PKP4: variants seen among roughly 807,000 people sequenced by gnomAD.
The protein encoded by PKP4 is plakophilin 4, also known as plakophilin-4.
A neutral mutation model predicts 145.1 loss-of-function variants in PKP4; 90 were observed. The observed-to-expected ratio is 0.62, with a 90% CI of 0.52 to 0.74. PKP4 has a LOEUF of 0.74. Ranked by LOEUF, PKP4 falls within the 30% of genes least tolerant of loss-of-function variation. PKP4 has a pLI of 0.00. For missense variants in PKP4, 1,340 were observed against 1,482.7 expected, an observed-to-expected ratio of 0.90 and a Z score of 1.58; for synonymous variants, 563 against 577.2, an observed-to-expected ratio of 0.98 and a Z score of 0.35.
chr2:158,498,106 A>T (rs1010124099), intron 1 of PKP4, among the ~76,000 whole-genome samples: 1 of 152,176 alleles, frequency 6.6e-6, no homozygotes, highest in African/African-American at 2.4e-5. Context: ...CAATGTGAGG[A>T]TGGGCAGATT....
chr2:158,669,513 C>A (rs2057382213), intron 16 of PKP4: 3 of 390,350 alleles, frequency 7.7e-6, no homozygotes, highest in Non-Finnish European at 1.4e-5. Context: ...TGAATCATTT[C>A]TGCAAGTGAC....
chr2:158,658,626 T>C (rs904291927), intron 12 of PKP4: 8 of 236,286 alleles, frequency 3.4e-5, no homozygotes, highest in Non-Finnish European at 5.6e-5. Flanking sequence ...TTCTGATTGC[T>C]AATGTGTTTG....
At chr2:158,568,104 G>C (rs905753184) in intron 2 of PKP4, among the ~76,000 whole-genome samples, 2 of 152,154 alleles carry the variant, frequency 1.3e-5, no homozygotes, top group African/African-American at 4.8e-5. Context: ...GGAGGCCGAG[G>C]CAGCAGATCA....
intron 15 of PKP4, among the ~76,000 whole-genome samples, chr2:158,665,213 G>C (rs2056972715): frequency 6.6e-6 from 1 of 152,154 alleles, no homozygotes; most frequent in Admixed American, 6.5e-5. Context: ...TGGGCTGGTA[G>C]GTCTCCAAGT....
intron 7 of PKP4, among the ~76,000 whole-genome samples, chr2:158,627,128 A>G (rs960470918): frequency 1.3e-5 from 2 of 152,200 alleles, no homozygotes; most frequent in Admixed American, 6.5e-5. Context: ...TCATTCATCT[A>G]TCCAAGAAGT....
At position 158,673,911 on chromosome 2, in the gene PKP4, C is replaced by T; in HGVS notation, c.3038C>T (p.Thr1013Ile). The change falls in exon 19 of 22, where the codon ACA becomes ATA. Residue 1013 changes from threonine (T) to isoleucine (I), a missense_variant. Coordinates refer to ENST00000389759, the MANE Select transcript of PKP4 (RefSeq NM_003628.6). ...KDGWNQNHFITPVSTLERDRF... is the reference protein window; with the variant it reads ...KDGWNQNHFIIPVSTLERDRF... ...GGGTGGAATCAGAACCATTTTATTA[C>T]ACCTGTGTCGACATTGGAGCGAGAC... 2 of 1,612,094 alleles carry T rather than the reference C, an allele frequency of 1.2e-6. No individual in the cohort carries two copies. Among genetic ancestry groups the T allele is most frequent in the Non-Finnish European group, 1.7e-6 (2 of 1,178,150 alleles).
At position 158,620,991 on chromosome 2, in the gene PKP4, C is replaced by T. The variant is rs182142957; in HGVS notation, c.282C>T (p.Asp94=). The change falls in exon 5 of 22, where the codon GAC becomes GAT. Residue 94 remains aspartate, a splice_region_variant and synonymous_variant. Transcript: ENST00000389759. ...CTGATTAAACTTTTCTTGTTACAGA[C>T]GTGCCAAATACTGGTGTAAGCAAAC... is the stretch of plus-strand genomic sequence containing the variant. ...TEKSFPWRST[D]VPNTGVSKPR... The T allele has an allele frequency of 1.9e-5, 30 of 1,613,244 alleles. No individual in the cohort carries two copies. In the Admixed American group the frequency reaches 2.7e-4, roughly 14 times the overall value.
At position 158,560,231 on chromosome 2, in the gene PKP4, G is replaced by A. The variant is rs913845544; in HGVS notation, c.133-17040G>A. 7.2e-5 allele frequency among the ~76,000 whole-genome samples: 11 copies of A among 152,106 alleles called. No individual in the cohort carries two copies. In the East Asian group the frequency reaches 2.1e-3, roughly 29 times the overall value. ...GAAATCATGCATTTTAATTTTGTAA[G>A]GGTTGTAAGAGTGCCTAATTTGTGT... On this transcript the variant is annotated intron_variant, in intron 2 of 21. Transcript: ENST00000389759.
At chr2:158,588,036 T>C (rs1469446830) in intron 3 of PKP4, among the ~76,000 whole-genome samples, 3 of 152,136 alleles carry the variant, frequency 2.0e-5, no homozygotes, top group African/African-American at 7.2e-5. Context: ...GTTCATTCTT[T>C]TAACTGCTCT....
chr2:158,538,987 T>C (rs2044298777), intron 2 of PKP4, among the ~76,000 whole-genome samples: 1 of 152,246 alleles, frequency 6.6e-6, no homozygotes, highest in African/African-American at 2.4e-5. Context: ...CTCTTTTTAC[T>C]CTGGTGAGGT....
rs145442646 is a variant in PKP4 at position 158,541,137 on chromosome 2, A to G, written c.132+7821A>G. Among the ~76,000 whole-genome samples, 1,335 of 152,238 alleles carry G rather than the reference A, an allele frequency of 8.8e-3. 63 individuals carry two copies. Among genetic ancestry groups the G allele is most frequent in the Admixed American group, 0.076 (1,166 of 15,288 alleles). ...TTCTGGAGAGAAAAATATTTCGGAA[A>G]CATGTTTTTCCCTTCAGGTATAACC... On this transcript the variant is annotated intron_variant, in intron 2 of 21. Coordinates refer to ENST00000389759, the MANE Select transcript of PKP4 (RefSeq NM_003628.6).
intron 1 of PKP4, among the ~76,000 whole-genome samples, chr2:158,466,421 G>T (rs564462544): frequency 6.6e-6 from 1 of 152,110 alleles, no homozygotes; most frequent in African/African-American, 2.4e-5. Context: ...TAACGGCTGG[G>T]TGCAGTGGCT....
At chr2:158,473,418 T>C (rs1691917116) in intron 1 of PKP4, among the ~76,000 whole-genome samples, 1 of 152,186 alleles carries the variant, frequency 6.6e-6, no homozygotes, top group Non-Finnish European at 1.5e-5. Context: ...TAAATGCCCA[T>C]CAGTGGCAGA....
intron 1 of PKP4, among the ~76,000 whole-genome samples, chr2:158,476,924 A>G (rs1476821632): frequency 6.6e-6 from 1 of 152,166 alleles, no homozygotes; most frequent in African/African-American, 2.4e-5. Context: ...ATTAATAATC[A>G]TCATATTCTT....
chr2:158,639,822 C>T (rs983054018), intron 9 of PKP4, among the ~76,000 whole-genome samples: 2 of 152,070 alleles, frequency 1.3e-5, no homozygotes, highest in South Asian at 2.1e-4. Context: ...GGCAGGGTAC[C>T]GCTTCGCAGT....
chr2:158,538,765 C>T (rs1194105880), intron 2 of PKP4, among the ~76,000 whole-genome samples: 7 of 152,110 alleles, frequency 4.6e-5, no homozygotes, highest in Non-Finnish European at 8.8e-5. Context: ...TGGTCTCAAA[C>T]TCCTGACCTC....
rs781763465 is a variant in PKP4 at position 158,621,348 on chromosome 2, A to T, written c.530A>T (p.Gln177Leu). ...GTGAGCAAGGCAGACAACAGACAGC[A>T]GCATTCATTCATAGGATCAACTAAC... ...QNVSKADNRQ[Q>L]HSFIGSTNNH... Residue 177 changes from glutamine to leucine, a missense_variant, in exon 6 of 22, where the codon CAG (glutamine) becomes CTG (leucine). Physicochemically the swap from Gln to Leu is moderately radical, Grantham distance 113 (BLOSUM62 -2). Coordinates refer to ENST00000389759, the MANE Select transcript of PKP4 (RefSeq NM_003628.6). 2.8e-5 allele frequency: 46 copies of T among 1,614,216 alleles called. 2 individuals are homozygous for T. The South Asian group carries it at 4.9e-4, about 17-fold the overall frequency.
Position 158,666,460 on chromosome 2 carries a change from C to T in PKP4, c.2625C>T (p.Pro875=). Residue 875 remains proline, a synonymous_variant, in exon 16 of 22, where the codon CCC becomes CCT. Coordinates refer to ENST00000389759, the MANE Select transcript of PKP4 (RefSeq NM_003628.6). ...RAAVRKEKGL[P]ILVELLRMDN... ...CCGTCCGAAAAGAAAAGGGGCTCCC[C>T]ATCCTTGTGGAGCTTCTGAGAATGG... 1 of 1,611,680 alleles carries T rather than the reference C, an allele frequency of 6.2e-7. No homozygotes were observed. Among genetic ancestry groups the T allele is most frequent in the Non-Finnish European group, 8.5e-7 (1 of 1,179,314 alleles).
intron 4 of PKP4, among the ~76,000 whole-genome samples, chr2:158,608,938 T>C (rs2050891781): frequency 6.7e-6 from 1 of 150,090 alleles, no homozygotes; most frequent in African/African-American, 2.4e-5. Context: ...CTCTGCCTCC[T>C]GAGTAGCTGG....
Sources: gnomAD v4.1 joint callset for allele counts (sites outside exome capture counted in the v4.1 genomes callset) on GRCh38, gnomAD v4.1.1 for gene constraint, MANE v1.5 for transcripts, NCBI Gene and HGNC (gene_info 2026-07-23, HGNC 2026-07-21) for gene names.